TAS1R1: variants seen among roughly 807,000 people sequenced by gnomAD.
TAS1R1 encodes taste receptor type 1 member 1.
TAS1R1 carries 31 observed loss-of-function variants against 45.8 expected under a neutral mutation model. The ratio of observed to expected loss-of-function variants is 0.68; its 90% CI spans 0.51 to 0.91. The LOEUF (loss-of-function observed/expected upper bound fraction) is 0.91. Ranked by LOEUF, TAS1R1 falls within the 40% of genes least tolerant of loss-of-function variation. TAS1R1 has a pLI of 0.00. For missense variants in TAS1R1, 1,051 were observed against 1,063.9 expected (o/e 0.99, Z 0.17); for synonymous variants, 437 against 448.4 (o/e 0.97, Z 0.32).
rs552345758 is a variant in TAS1R1 at position 6,575,353 on chromosome 1, C to T, written c.1221C>T (p.Ala407=). ...AHGLHQLLGC[A]SGACSRGRVY... ...GCCTCCACCAGCTCCTGGGCTGTGC[C>T]TCTGGAGCTTGTTCCAGGGGCCGAG... The change falls in exon 3 of 6, where the codon GCC becomes GCT. Residue 407 remains alanine (A), a synonymous_variant. Coordinates refer to ENST00000333172, the MANE Select transcript of TAS1R1 (RefSeq NM_138697.4). 3.8e-6 allele frequency: 6 copies of T among 1,594,496 alleles called. No individual in the cohort carries two copies. The South Asian group carries it at 5.7e-5, about 15-fold the overall frequency.
In TAS1R1 at chr1:6,579,325, A is replaced by ACTTGC. The variant is rs761665981; in HGVS notation, c.2268_2269insTTGCC (p.Asn757LeufsTer39). The ACTTGC allele has an allele frequency of 1.9e-6, 3 of 1,614,086 alleles. No homozygotes were observed. The African/African-American group carries it at 4.0e-5, about 22-fold the overall frequency. Reference sequence around the variant, plus strand: ...CTGGGTAAGGACTTGCCAGAGAACTACAACGAGGCCAAATGTGTCACCTTC... The same window carrying ACTTGC: ...CTGGGTAAGGACTTGCCAGAGAACTACTTGCCAACGAGGCCAAATGTGTCACCTTC... On this transcript the variant is annotated frameshift_variant, in exon 6 of 6. Coordinates refer to ENST00000333172, the MANE Select transcript of TAS1R1 (RefSeq NM_138697.4). LOFTEE classifies it low-confidence loss of function (END_TRUNC).
intron 1 of TAS1R1, among the ~76,000 whole-genome samples, chr1:6,559,974 G>A (rs1243831820): frequency 7.3e-6 from 1 of 137,758 alleles, no homozygotes. Flanking sequence ...TGGACAACAA[G>A]GCAACAAGAG....
At chr1:6,564,085 C>T (rs572735740) in intron 1 of TAS1R1, among the ~76,000 whole-genome samples, 14 of 152,196 alleles carry the variant, frequency 9.2e-5, no homozygotes, top group African/African-American at 2.9e-4. Context: ...ACTGGAGAAT[C>T]GGCGGAAGGC....
intron 1 of TAS1R1, among the ~76,000 whole-genome samples, chr1:6,567,377 G>A (rs1279510739): frequency 1.3e-5 from 2 of 151,904 alleles, no homozygotes; most frequent in Non-Finnish European, 2.9e-5. Context: ...TGGCTAACAC[G>A]GTGAAACCCC....
At chr1:6,566,399 G>A (rs955366790) in intron 1 of TAS1R1, among the ~76,000 whole-genome samples, 1 of 152,116 alleles carries the variant, frequency 6.6e-6, no homozygotes, top group African/African-American at 2.4e-5. Context: ...ACTACAGGGT[G>A]AATAGGAGGA....
Position 6,576,482 on chromosome 1 carries a change from G to C in TAS1R1, c.1328G>C (p.Arg443Thr). Residue 443 changes from arginine to threonine, a missense_variant, in exon 4 of 6, where the codon AGA becomes ACA. Arg to Thr is a moderately conservative substitution (Grantham distance 71). Transcript: ENST00000333172. ...HKDTVAFNDN[R>T]DPLSSYNIIA... ...GACACTGTGGCGTTTAATGACAACAGAGATCCCCTCAGTAGCTATAACATA... is the reference window on the plus strand; with the variant it reads ...GACACTGTGGCGTTTAATGACAACACAGATCCCCTCAGTAGCTATAACATA... 2.5e-6 allele frequency: 4 copies of C among 1,614,266 alleles called. No individual in the cohort carries two copies. The highest frequency in any genetic ancestry group is 3.4e-6 in the Non-Finnish European group (4 of 1,180,054).
chr1:6,571,296 C>T, intron 2 of TAS1R1, 81 bp downstream of exon 2: 1 of 1,436,808 alleles, frequency 7.0e-7, no homozygotes, highest in Non-Finnish European at 9.3e-7. Flanking sequence ...CTGCTGTCCC[C>T]CCCAAGGCTG....
intron 2 of TAS1R1, among the ~76,000 whole-genome samples, chr1:6,573,533 G>A (rs1444238199): frequency 6.6e-6 from 1 of 152,200 alleles, no homozygotes; most frequent in Non-Finnish European, 1.5e-5. Context: ...GTGGCTTACA[G>A]CAGTGGCCCC....
intron 5 of TAS1R1, among the ~76,000 whole-genome samples, chr1:6,578,383 C>A (rs1241603369): frequency 1.3e-5 from 2 of 152,148 alleles, no homozygotes; most frequent in Non-Finnish European, 2.9e-5. Context: ...GGCAGAGCTA[C>A]CAGGTTAAGG....
intron 3 of TAS1R1, 34 bp downstream of exon 3, chr1:6,575,426 G>A (rs1233808701): frequency 1.3e-6 from 2 of 1,520,236 alleles, no homozygotes; most frequent in Non-Finnish European, 1.8e-6. Context: ...TCCTGTCAGG[G>A]AGAACAGCCA....
At chr1:6,559,608 G>A (rs1430309488) in intron 1 of TAS1R1, among the ~76,000 whole-genome samples, 2 of 150,216 alleles carry the variant, frequency 1.3e-5, no homozygotes, top group Non-Finnish European at 2.9e-5. Context: ...GCAGTGAGCA[G>A]AGATCACACC....
chr1:6,576,186 A>C (rs146710112), intron 3 of TAS1R1, among the ~76,000 whole-genome samples: 1 of 152,180 alleles, frequency 6.6e-6, no homozygotes, highest in African/African-American at 2.4e-5. Context: ...GGAAGTGTCA[A>C]GTGATAAGAT....
Position 6,579,111 on chromosome 1 carries a change from A to ATCAGCT in TAS1R1, c.2054_2059dup (p.Ser686_Ser687insPheSer). On this transcript the variant is annotated inframe_insertion, in exon 6 of 6. Coordinates refer to ENST00000333172, the MANE Select transcript of TAS1R1 (RefSeq NM_138697.4). ...CCACGGTGCTGGCCTGTTTGTGATG[A>ATCAGCT]TCAGCTCAGCGGCCCAGCTGCTTAT... The ATCAGCT allele has an allele frequency of 6.2e-7, 1 of 1,614,148 alleles. No homozygotes were observed. Among genetic ancestry groups the ATCAGCT allele is most frequent in the Non-Finnish European group, 8.5e-7 (1 of 1,180,036 alleles).
At chr1:6,558,062 T>C (rs1399552963) in intron 1 of TAS1R1, among the ~76,000 whole-genome samples, 6 of 151,290 alleles carry the variant, frequency 4.0e-5, no homozygotes, top group African/African-American at 7.3e-5. Context: ...TTGTTTTTTT[T>C]CTGAGACAGG....
rs41307749 is a variant in TAS1R1 at position 6,575,199 on chromosome 1, C to G, written c.1067C>G (p.Ser356Cys). The G allele has an allele frequency of 3.0e-3, 4,831 of 1,611,470 alleles. 11 individuals carry two copies. The highest frequency in any genetic ancestry group is 4.8e-3 in the Middle Eastern group (29 of 6,044). ...KKAPRPCHKG[S>C]WCSSNQLCRE... is the part of the protein sequence containing the mutation. ...GCCCCTAGGCCTTGCCACAAGGGCT[C>G]CTGGTGCAGCAGCAATCAGCTCTGC... The change falls in exon 3 of 6, where the codon TCC becomes TGC. Residue 356 changes from serine to cysteine, a missense_variant. By Grantham distance (112) the Ser-to-Cys change is moderately radical. Coordinates refer to ENST00000333172, the MANE Select transcript of TAS1R1 (RefSeq NM_138697.4).
At chr1:6,562,991 G>A (rs894786252) in intron 1 of TAS1R1, among the ~76,000 whole-genome samples, 2 of 152,176 alleles carry the variant, frequency 1.3e-5, no homozygotes, top group Non-Finnish European at 2.9e-5. Context: ...AGCAAGAATC[G>A]TTTTGTGTCT....
Position 6,579,050 on chromosome 1 carries a change from CAAGGT to C in TAS1R1, c.1994_1998del (p.Lys665ThrfsTer41). 6.2e-7 allele frequency: 1 copy of C among 1,612,914 alleles called. No individual in the cohort carries two copies. Among genetic ancestry groups the C allele is most frequent in the Non-Finnish European group, 8.5e-7 (1 of 1,179,050 alleles). On this transcript the variant is annotated frameshift_variant, in exon 6 of 6. Coordinates refer to ENST00000333172, the MANE Select transcript of TAS1R1 (RefSeq NM_138697.4). LOFTEE classifies it low-confidence loss of function (END_TRUNC). ...TAATCATCATCTTCAAGTTTTCCAC[CAAGGT>C]ACCTACATTCTACCACGCCTGGGTC...
chr1:6,566,521 G>C (rs1288208230), intron 1 of TAS1R1, among the ~76,000 whole-genome samples: 1 of 152,154 alleles, frequency 6.6e-6, no homozygotes, highest in African/African-American at 2.4e-5. Flanking sequence ...AGAAGACCAC[G>C]TGAGCAGAGC....
intron 1 of TAS1R1, among the ~76,000 whole-genome samples, chr1:6,566,044 A>T (rs1228712550): frequency 6.6e-6 from 1 of 152,162 alleles, no homozygotes; most frequent in Non-Finnish European, 1.5e-5. Context: ...GTTAGCAAGA[A>T]AGTTTAGAAG....
Sources: allele counts gnomAD v4.1 joint callset (sites outside exome capture counted in the v4.1 genomes callset), GRCh38; gene constraint gnomAD v4.1.1; transcripts MANE v1.5; gene names NCBI Gene and HGNC (gene_info 2026-07-23, HGNC 2026-07-21).